The following SMAD5 variants were observed in gnomAD, a reference collection of about 807,000 sequenced individuals.
The protein encoded by SMAD5 is SMAD family member 5.
A neutral mutation model predicts 43.1 loss-of-function variants in SMAD5; 9 were observed. The ratio of observed to expected loss-of-function variants is 0.21; its 90% CI spans 0.13 to 0.36. The LOEUF (loss-of-function observed/expected upper bound fraction) is 0.36. SMAD5 is among the 10% of genes least tolerant of loss of function. The pLI, the probability that SMAD5 is intolerant of heterozygous loss-of-function variation, is 1.00. For missense variants in SMAD5, 348 were observed against 574.0 expected (o/e 0.61, Z 4.02); for synonymous variants, 190 against 192.4 (o/e 0.99, Z 0.10).
chr5:136,136,837 A>C (rs1278224494), intron 1 of SMAD5, among the ~76,000 whole-genome samples: 1 of 152,010 alleles, frequency 6.6e-6, no homozygotes, highest in South Asian at 2.1e-4. Context: ...CTGGGATTAC[A>C]GGCACCCACC....
chr5:136,157,217 A>C (rs1753666358), intron 3 of SMAD5, among the ~76,000 whole-genome samples: 1 of 152,274 alleles, frequency 6.6e-6, no homozygotes, highest in Admixed American at 6.5e-5. Flanking sequence ...CACAGTTAGA[A>C]TATAGTGGAG....
intron 1 of SMAD5, chr5:136,147,395 C>G (rs1753295429): frequency 6.6e-6 from 1 of 151,748 alleles, no homozygotes; most frequent in Non-Finnish European, 1.5e-5. Context: ...TTAAACTATA[C>G]AATCTTATGA....
At chr5:136,154,190 G>T in intron 3 of SMAD5, 27 bp downstream of exon 3, 1 of 1,415,046 alleles carries the variant, frequency 7.1e-7, no homozygotes, top group Non-Finnish European at 9.3e-7. Context: ...AGAAGAATTT[G>T]GAAAAACAAA....
rs539262455 is a variant in SMAD5 at position 136,181,079 on chromosome 5, G to C, written c.*3599G>C. 1 of 152,210 alleles carries C rather than the reference G, an allele frequency of 6.6e-6. No homozygotes were observed. The highest frequency in any genetic ancestry group is 2.1e-4 in the South Asian group (1 of 4,822). The allele number at this position is 152,210 out of a possible 1,614,324, so 9.4% of individuals were successfully genotyped here. ...AAAAAGTTTGATAGTACCTATCAAA[G>C]TGCTGTACTTCTGTGATAGAGAACA... On this transcript the variant is annotated 3_prime_UTR_variant, in exon 8 of 8. Coordinates refer to ENST00000545279, the MANE Select transcript of SMAD5 (RefSeq NM_005903.7).
intron 2 of SMAD5, among the ~76,000 whole-genome samples, chr5:136,151,732 C>T (rs1194107730): frequency 6.6e-6 from 1 of 151,004 alleles, no homozygotes; most frequent in East Asian, 1.9e-4. Context: ...TTCTAGTGTT[C>T]ATGAATCAGT....
chr5:136,135,058 T>G (rs1407573241), intron 1 of SMAD5, among the ~76,000 whole-genome samples: 1 of 152,240 alleles, frequency 6.6e-6, no homozygotes, highest in Non-Finnish European at 1.5e-5. Context: ...GGTAGTATTA[T>G]CTGCGTGTCT....
chr5:136,175,244 G>C (rs934272006), intron 7 of SMAD5, among the ~76,000 whole-genome samples: 1 of 152,180 alleles, frequency 6.6e-6, no homozygotes, highest in African/African-American at 2.4e-5. Flanking sequence ...AATTATGGGA[G>C]CTACAATTTA....
At chr5:136,163,670 C>T (rs1561652852) in intron 5 of SMAD5, among the ~76,000 whole-genome samples, 1 of 152,094 alleles carries the variant, frequency 6.6e-6, no homozygotes, top group South Asian at 2.1e-4. Context: ...GTTTTCTGTA[C>T]CTGTAGATTT....
At position 136,168,915 on chromosome 5, in the gene SMAD5, A is replaced by G. The variant is rs944549378; in HGVS notation, c.776-3519A>G. On this transcript the variant is annotated intron_variant, in intron 5 of 7. Coordinates refer to ENST00000545279, the MANE Select transcript of SMAD5 (RefSeq NM_005903.7). ...TAGCTCATTTCTTTTTAGCATCTCTATTAGGGTTCTCTAGAGGGACAGAAC... is the reference window on the plus strand; with the variant it reads ...TAGCTCATTTCTTTTTAGCATCTCTGTTAGGGTTCTCTAGAGGGACAGAAC... Among the ~76,000 whole-genome samples, 6 of 152,190 alleles carry G rather than the reference A, an allele frequency of 3.9e-5. No individual in the cohort carries two copies. The East Asian group carries it at 7.7e-4, about 20-fold the overall frequency.
chr5:136,171,735 A>G (rs1326104337), intron 5 of SMAD5, among the ~76,000 whole-genome samples: 1 of 152,198 alleles, frequency 6.6e-6, no homozygotes, highest in Non-Finnish European at 1.5e-5. Flanking sequence ...GGTTTACAAC[A>G]TTAGAGTTGA....
intron 1 of SMAD5, chr5:136,133,503 C>A (rs1752757092): frequency 6.6e-6 from 1 of 152,278 alleles, no homozygotes; most frequent in Non-Finnish European, 1.5e-5. Context: ...CAGTTGTGAC[C>A]GGCTACTGCA....
chr5:136,134,614 A>G (rs1327743266), intron 1 of SMAD5: 1 of 152,228 alleles, frequency 6.6e-6, no homozygotes, highest in Non-Finnish European at 1.5e-5. Flanking sequence ...TTTGGTAACT[A>G]TTAATATTTT....
At chr5:136,173,666 A>C (rs894225793) in intron 6 of SMAD5, among the ~76,000 whole-genome samples, 1 of 151,932 alleles carries the variant, frequency 6.6e-6, no homozygotes, top group Non-Finnish European at 1.5e-5. Context: ...CTTTTTCCCC[A>C]GCATATAGTT....
chr5:136,177,041 A>G (rs1413421637), intron 7 of SMAD5, among the ~76,000 whole-genome samples: 1 of 152,162 alleles, frequency 6.6e-6, no homozygotes, highest in East Asian at 1.9e-4. Context: ...TAATTATGAG[A>G]TACTGTACTG....
intron 5 of SMAD5, among the ~76,000 whole-genome samples, chr5:136,164,187 C>T (rs1753918369): frequency 6.6e-6 from 1 of 152,134 alleles, no homozygotes; most frequent in Non-Finnish European, 1.5e-5. Context: ...CAGAGCGAGG[C>T]TCCATCTCAA....
At chr5:136,134,351 G>A (rs1303135005) in intron 1 of SMAD5, 2 of 152,264 alleles carry the variant, frequency 1.3e-5, no homozygotes, top group Non-Finnish European at 2.9e-5. Flanking sequence ...ATTGCCCAGA[G>A]TGAATTAGTT....
At chr5:136,156,409 G>A (rs922140061) in intron 3 of SMAD5, among the ~76,000 whole-genome samples, 1 of 152,174 alleles carries the variant, frequency 6.6e-6, no homozygotes, top group Non-Finnish European at 1.5e-5. Flanking sequence ...GTCTATCTGG[G>A]TTTCACGTGG....
intron 2 of SMAD5, among the ~76,000 whole-genome samples, chr5:136,151,491 A>G (rs1263076959): frequency 2.6e-5 from 4 of 152,114 alleles, no homozygotes; most frequent in Admixed American, 1.3e-4. Flanking sequence ...TAACCTTAGA[A>G]TACTTGAGAA....
intron 2 of SMAD5, among the ~76,000 whole-genome samples, chr5:136,148,410 G>C (rs960774239): frequency 3.0e-4 from 45 of 151,808 alleles, no homozygotes; most frequent in South Asian, 1.5e-3. Flanking sequence ...CCTGAGCTCA[G>C]TATTCCTCAT....
Sources: allele counts gnomAD v4.1 joint callset (sites outside exome capture counted in the v4.1 genomes callset), GRCh38; gene constraint gnomAD v4.1.1; transcripts MANE v1.5; gene names NCBI Gene and HGNC (gene_info 2026-07-23, HGNC 2026-07-21).